The following NOS1 variants were observed in gnomAD, a reference collection of about 807,000 sequenced individuals.
The protein encoded by NOS1 is NOS type I.
In NOS1, 51 loss-of-function variants were observed where a neutral mutation model predicts 164.5. The ratio of observed to expected loss-of-function variants is 0.31; its 90% CI spans 0.25 to 0.39. The LOEUF (loss-of-function observed/expected upper bound fraction) is 0.39, where lower values mean the gene tolerates loss of function less well. Among genes scored for constraint, NOS1 ranks in the 10% least tolerant of loss-of-function variants. The probability of loss-of-function intolerance (pLI) is 1.00; values close to 1 mark genes in which losing one functional copy is unlikely to be tolerated. For synonymous variants in NOS1, 719 were observed against 745.8 expected (o/e 0.96, Z 0.59); for missense variants, 1,362 against 1,885.6 (o/e 0.72, Z 5.14).
At chr12:117,259,615 A>G (rs996060151) in intron 14 of NOS1, among the ~76,000 whole-genome samples, 3 of 152,186 alleles carry the variant, frequency 2.0e-5, no homozygotes, top group African/African-American at 7.2e-5. Context: ...GCCTTCTGGA[A>G]AGATGATTGC....
At chr12:117,316,051 G>T (rs553715) in intron 2 of NOS1, among the ~76,000 whole-genome samples, 45,111 of 152,088 alleles carry the variant, frequency 0.3, 7,709 homozygotes, top group Middle Eastern at 0.42. Context: ...TTGAGCATTT[G>T]AAATGTGGTT....
In NOS1 at chr12:117,212,519, G is replaced by A. The variant is rs1367603525; in HGVS notation, c.*2790C>T. The A allele has an allele frequency of 9.1e-6, 9 of 985,424 alleles. No individual in the cohort carries two copies. The South Asian group carries it at 1.4e-4, about 15-fold the overall frequency. 61.0% of individuals were successfully genotyped at this position (985,424 alleles called of 1,614,324 possible). ...ACAAGCTGTGGGAACTGGATGCATA[G>A]TGATGGCAGGTGAGCATGATGTTCC... On this transcript the variant is annotated 3_prime_UTR_variant, in exon 29 of 29. Coordinates refer to ENST00000317775, the MANE Select transcript of NOS1 (RefSeq NM_000620.5).
intron 7 of NOS1, among the ~76,000 whole-genome samples, chr12:117,283,393 G>A (rs929598398): frequency 3.9e-5 from 6 of 152,078 alleles, no homozygotes; most frequent in Admixed American, 2.6e-4. Flanking sequence ...AGTTCTCATC[G>A]CTTTCAGACA....
chr12:117,321,826 T>C (rs1874939810), intron 2 of NOS1, among the ~76,000 whole-genome samples: 3 of 152,166 alleles, frequency 2.0e-5, no homozygotes, highest in Admixed American at 2.0e-4. Context: ...GAATTCTAAC[T>C]AGCGTGAGTC....
intron 9 of NOS1, among the ~76,000 whole-genome samples, chr12:117,276,761 A>C (rs1168670370): frequency 6.6e-6 from 1 of 152,072 alleles, no homozygotes; most frequent in Non-Finnish European, 1.5e-5. Context: ...GCCTTATTTC[A>C]CTTAACATAA....
chr12:117,212,434 C>T lies in NOS1; in HGVS notation c.*2875G>A, dbSNP rs1428862982. ...ACCTGGCTGTCTCACTCCAGGGAAA[C>T]CAAAAGAAGCCCTCTCTCCTCCCAA... On this transcript the variant is annotated 3_prime_UTR_variant, in exon 29 of 29. Coordinates refer to ENST00000317775, the MANE Select transcript of NOS1 (RefSeq NM_000620.5). The T allele has an allele frequency of 3.0e-6, 3 of 985,298 alleles. No individual in the cohort carries two copies. Among genetic ancestry groups the T allele is most frequent in the African/African-American group, 1.7e-5 (1 of 57,226 alleles). 61.0% of individuals were successfully genotyped at this position (985,298 alleles called of 1,614,324 possible). A position where few individuals can be genotyped will look rare whatever the true frequency, so the allele number is the denominator to read the frequency against.
At chr12:117,322,171 T>C (rs2136065674) in intron 2 of NOS1, among the ~76,000 whole-genome samples, 1 of 107,594 alleles carries the variant, frequency 9.3e-6, no homozygotes. Flanking sequence ...CTTCCTTCTT[T>C]TTCCTTCCTT....
rs1171737193 is a variant in NOS1 at position 117,219,760 on chromosome 12, G to A, written c.4170+315C>T. ...CCAACCTGCACAACTACATGGGGCA[G>A]TGCTGCAGCTTCTGGGGCAGGAGAA... On this transcript the variant is annotated intron_variant, in intron 27 of 28. Coordinates refer to ENST00000317775, the MANE Select transcript of NOS1 (RefSeq NM_000620.5). Among the ~76,000 whole-genome samples, 41 of 152,192 alleles carry A rather than the reference G, an allele frequency of 2.7e-4. 1 individual carries two copies. Among genetic ancestry groups the A allele is most frequent in the Admixed American group, 2.7e-3 (41 of 15,264 alleles).
rs1409019757 is a variant in NOS1 at position 117,243,162 on chromosome 12, T to C, written c.2962+135A>G. On this transcript the variant is annotated intron_variant, in intron 19 of 28. Transcript: ENST00000317775. The surrounding 1 kb of genome is among the most constrained non-coding windows in gnomAD (Gnocchi z 4.3). ...CTGAGTGTGGGAGAGCAGCAAAGTA[T>C]TCATTTTGGTAGGACTGCACTAAAG... The C allele has an allele frequency of 9.8e-7, 1 of 1,020,384 alleles. No homozygotes were observed. The highest frequency in any genetic ancestry group is 1.4e-6 in the Non-Finnish European group (1 of 695,812). The allele number at this position is 1,020,384 out of a possible 1,614,324, so 63.2% of individuals were successfully genotyped here. A position where few individuals can be genotyped will look rare whatever the true frequency, so the allele number is the denominator to read the frequency against.
Position 117,222,832 on chromosome 12 carries a change from G to A in NOS1, c.3858C>T (p.Phe1286=), listed in dbSNP as rs372919678. The A allele has an allele frequency of 1.2e-5, 20 of 1,613,806 alleles. No individual in the cohort carries two copies. Among genetic ancestry groups the A allele is most frequent in the Non-Finnish European group, 1.6e-5 (19 of 1,179,956 alleles). Residue 1286 remains phenylalanine, a synonymous_variant, in exon 26 of 29, where the codon TTC becomes TTT. Transcript: ENST00000317775. The part of the protein sequence containing the change: ...GMNPCPMVLV[F]GCRQSKIDHI... The stretch of plus-strand genomic sequence containing the variant: ...GATCTATCTTGGATTGCCGGCACCC[G>A]AAGACCAGGACCATGGGGCAGGGGT...
intron 9 of NOS1, among the ~76,000 whole-genome samples, chr12:117,273,242 G>T (rs1280138710): frequency 6.6e-6 from 1 of 152,172 alleles, no homozygotes; most frequent in South Asian, 2.1e-4. Context: ...TAAGCACCGT[G>T]GGGGCAGGGA....
intron 12 of NOS1, 83 bp downstream of exon 12, chr12:117,265,233 C>T: frequency 1.5e-6 from 2 of 1,294,004 alleles, no homozygotes; most frequent in Non-Finnish European, 1.0e-6. Context: ...AGAGCACTAG[C>T]CTGGGTTGAA....
At chr12:117,217,172 GAATTAT>G (rs1258371590) in intron 28 of NOS1, among the ~76,000 whole-genome samples, 1 of 152,096 alleles carries the variant, frequency 6.6e-6, no homozygotes. Context: ...AAAATCATGT[GAATTAT>G]AATTTGTGTT....
chr12:117,229,620 G>A (rs557745266), intron 22 of NOS1, among the ~76,000 whole-genome samples: 18 of 145,480 alleles, frequency 1.2e-4, no homozygotes, highest in African/African-American at 4.6e-4. Flanking sequence ...ACAGATTCTC[G>A]CTCTGTCACC....
rs1332866337 is a variant in NOS1 at position 117,259,077 on chromosome 12, G to A, written c.2421C>T (p.Val807=). 6.2e-7 allele frequency: 1 copy of A among 1,614,124 alleles called. No individual in the cohort carries two copies. The highest frequency in any genetic ancestry group is 1.1e-5 in the South Asian group (1 of 91,064). The change falls in exon 15 of 29, where the codon GTC becomes GTT. Residue 807 remains valine (V), a synonymous_variant. Coordinates refer to ENST00000317775, the MANE Select transcript of NOS1 (RefSeq NM_000620.5). ...TGCCAAAGGTGCTGGTGACCACAAG[G>A]ACCAGAGTTTCATGTTCCAGGTGCA... ...DIVHLEHETL[V]LVVTSTFGNG... is the part of the protein sequence containing the mutation.
In NOS1 at chr12:117,216,979, G is replaced by A. The variant is rs539098560; in HGVS notation, c.4289+1067C>T. On this transcript the variant is annotated intron_variant, in intron 28 of 28. Transcript: ENST00000317775. ...CCCCACCCAATTTAAAGTAAAGGGCGTCCAGGGGTGCTTTCCAGGGGTTCT... is the reference window on the plus strand; with the variant it reads ...CCCCACCCAATTTAAAGTAAAGGGCATCCAGGGGTGCTTTCCAGGGGTTCT... 9.2e-5 allele frequency among the ~76,000 whole-genome samples: 14 copies of A among 152,274 alleles called. No individual in the cohort carries two copies. The East Asian group carries it at 9.6e-4, about 10-fold the overall frequency.
Position 117,220,220 on chromosome 12 carries a change from C to T in NOS1, c.4025G>A (p.Arg1342Gln), listed in dbSNP as rs374511365. 14 of 1,613,054 alleles carry T rather than the reference C, an allele frequency of 8.7e-6. No homozygotes were observed. Among genetic ancestry groups the T allele is most frequent in the African/African-American group, 4.0e-5 (3 of 74,908 alleles). The change falls in exon 27 of 29, where the codon CGA becomes CAA. Residue 1342 changes from arginine (R) to glutamine (Q), a missense_variant. By Grantham distance (43) the Arg-to-Gln change is conservative. Coordinates refer to ENST00000317775, the MANE Select transcript of NOS1 (RefSeq NM_000620.5). ...GTGGCCCCCTTGCTCCTTCAGGGCTCGGTACACAGACTCCGCCAGCTGCTC... is the reference window on the plus strand; with the variant it reads ...GTGGCCCCCTTGCTCCTTCAGGGCTTGGTACACAGACTCCGCCAGCTGCTC... ...LQEQLAESVY[R>Q]ALKEQGGHIY...
At chr12:117,340,118 C>A (rs906518890) in intron 1 of NOS1, among the ~76,000 whole-genome samples, 5 of 152,176 alleles carry the variant, frequency 3.3e-5, no homozygotes, top group African/African-American at 1.2e-4. Context: ...TATCCTCAAG[C>A]TTTGGCCTCC....
rs1170729496 is a variant in NOS1 at position 117,208,367 on chromosome 12, G to T, written c.*6942C>A. 2.3e-5 allele frequency: 29 copies of T among 1,249,126 alleles called. No individual in the cohort carries two copies. The highest frequency in any genetic ancestry group is 2.9e-5 in the Non-Finnish European group (28 of 976,426). 77.4% of individuals were successfully genotyped at this position (1,249,126 alleles called of 1,614,324 possible). On this transcript the variant is annotated 3_prime_UTR_variant, in exon 29 of 29. Transcript: ENST00000317775. ...AGCAGCATTGAGAGCTCAGAGGTAGGGGGGACGGCCGAGTTTCTGACAGCG... is the reference window on the plus strand; with the variant it reads ...AGCAGCATTGAGAGCTCAGAGGTAGTGGGGACGGCCGAGTTTCTGACAGCG...
Sources: allele counts gnomAD v4.1 joint callset (sites outside exome capture counted in the v4.1 genomes callset), GRCh38; gene constraint gnomAD v4.1.1; non-coding constraint Gnocchi (gnomAD v3.1); transcripts MANE v1.5; gene names NCBI Gene and HGNC (gene_info 2026-07-23, HGNC 2026-07-21).